The following ARHGAP5 variants were observed in gnomAD, a reference collection of about 807,000 sequenced individuals.
ARHGAP5 encodes rho GTPase-activating protein 5.
Under a neutral mutation model 116.6 loss-of-function variants are expected in ARHGAP5, and 23 were observed. That is an observed-to-expected ratio of 0.20 (90% confidence interval 0.14 to 0.28). The LOEUF (loss-of-function observed/expected upper bound fraction) is 0.28, where lower values mean the gene tolerates loss of function less well. Among genes scored for constraint, ARHGAP5 ranks in the 10% least tolerant of loss-of-function variants. The probability of loss-of-function intolerance (pLI) is 1.00; values close to 1 mark genes in which losing one functional copy is unlikely to be tolerated. For synonymous variants in ARHGAP5, 574 were observed against 602.0 expected (o/e 0.95, Z 0.68); for missense variants, 1,405 against 1,774.8 (o/e 0.79, Z 3.74).
At position 32,092,655 on chromosome 14, in the gene ARHGAP5, T is replaced by C. The variant is rs1265053059; in HGVS notation, c.1986T>C (p.Phe662=). 1.9e-6 allele frequency: 3 copies of C among 1,614,060 alleles called. No individual in the cohort carries two copies. Among genetic ancestry groups the C allele is most frequent in the Admixed American group, 3.3e-5 (2 of 60,018 alleles). The change falls in exon 2 of 7, where the codon TTT becomes TTC. Residue 662 remains phenylalanine, a synonymous_variant. Coordinates refer to ENST00000345122, the MANE Select transcript of ARHGAP5 (RefSeq NM_001030055.2). This position sits in a 1 kb window ranked among gnomAD's most constrained non-coding sequence, Gnocchi z 4.1. ...AFKPHGCFCV[F]NSIESLSFIG... ...AACCACATGGGTGCTTCTGTGTATT[T>C]AATTCCATTGAGTCATTGAGTTTTA...
intron 5 of ARHGAP5, among the ~76,000 whole-genome samples, chr14:32,151,062 C>T (rs1225479201): frequency 6.6e-6 from 1 of 151,924 alleles, no homozygotes; most frequent in Non-Finnish European, 1.5e-5. Context: ...CTCAGTGATT[C>T]TTTTTTTTAA....
chr14:32,119,485 A>C (rs1203122692), intron 3 of ARHGAP5, among the ~76,000 whole-genome samples: 1 of 152,168 alleles, frequency 6.6e-6, no homozygotes, highest in Non-Finnish European at 1.5e-5. Flanking sequence ...TAATTTACAT[A>C]CAATAAAATT....
At chr14:32,121,600 A>G (rs1284806312) in intron 3 of ARHGAP5, among the ~76,000 whole-genome samples, 1 of 152,192 alleles carries the variant, frequency 6.6e-6, no homozygotes, top group Non-Finnish European at 1.5e-5. Context: ...CTTTTATGTA[A>G]TAGCTTTATT....
chr14:32,128,528 G>A (rs1373941544), intron 3 of ARHGAP5, among the ~76,000 whole-genome samples: 3 of 152,220 alleles, frequency 2.0e-5, no homozygotes, highest in Admixed American at 6.5e-5. Context: ...TCTGCGTGTC[G>A]GCTATCGGTG....
At chr14:32,097,167 A>G (rs73268969) in intron 2 of ARHGAP5, among the ~76,000 whole-genome samples, 30,329 of 152,140 alleles carry the variant, frequency 0.2, 3,696 homozygotes, top group Admixed American at 0.41. Context: ...ACCATGCATT[A>G]TTACTAGTGA....
intron 4 of ARHGAP5, among the ~76,000 whole-genome samples, chr14:32,146,904 A>G (rs1881404116): frequency 6.6e-6 from 1 of 152,208 alleles, no homozygotes; most frequent in Non-Finnish European, 1.5e-5. Flanking sequence ...ACTGTACAAT[A>G]TTTTGATATC....
At chr14:32,141,664 C>A (rs1392975160) in intron 3 of ARHGAP5, among the ~76,000 whole-genome samples, 1 of 152,160 alleles carries the variant, frequency 6.6e-6, no homozygotes, top group African/African-American at 2.4e-5. Flanking sequence ...TTCCTTAACT[C>A]TCTTTACCAT....
intron 3 of ARHGAP5, among the ~76,000 whole-genome samples, chr14:32,131,122 A>C (rs764897523): frequency 6.6e-6 from 1 of 152,172 alleles, no homozygotes; most frequent in Non-Finnish European, 1.5e-5. Flanking sequence ...TATTGATACA[A>C]TTCTATTGTC....
rs752622999 is a variant in ARHGAP5 at position 32,094,005 on chromosome 14, A to C, written c.3336A>C (p.Pro1112=). The change falls in exon 2 of 7, where the codon CCA becomes CCC. Residue 1112 remains proline, a synonymous_variant. Transcript: ENST00000345122. ...ATTCTGATGAGATTTATGTTGTCCCAGATGATAGTCAAAATCGTATTAAAA... is the reference window on the plus strand; with the variant it reads ...ATTCTGATGAGATTTATGTTGTCCCCGATGATAGTCAAAATCGTATTAAAA... ...KGYSDEIYVV[P]DDSQNRIKIR... is the part of the protein sequence containing the mutation. The C allele has an allele frequency of 6.8e-6, 11 of 1,613,424 alleles. No homozygotes were observed. Among genetic ancestry groups the C allele is most frequent in the Non-Finnish European group, 9.3e-6 (11 of 1,179,900 alleles).
rs1881987660 is a variant in ARHGAP5 at position 32,158,365 on chromosome 14, G to A, written c.*3417G>A. The A allele has an allele frequency of 6.6e-6, 1 of 151,924 alleles. No homozygotes were observed. Among genetic ancestry groups the A allele is most frequent in the African/African-American group, 2.4e-5 (1 of 41,428 alleles). 9.4% of individuals were successfully genotyped at this position (151,924 alleles called of 1,614,324 possible). ...TAAATTATCAGGAAAACAAGATAAT[G>A]CACAGATTTCTAAGACTAAGATCTT... is the stretch of plus-strand genomic sequence containing the variant. On this transcript the variant is annotated 3_prime_UTR_variant, in exon 7 of 7. Coordinates refer to ENST00000345122, the MANE Select transcript of ARHGAP5 (RefSeq NM_001030055.2).
At chr14:32,111,908 C>G (rs1374683918) in intron 2 of ARHGAP5, among the ~76,000 whole-genome samples, 1 of 134,902 alleles carries the variant, frequency 7.4e-6, no homozygotes, top group Non-Finnish European at 1.5e-5. Context: ...GTGGCACGAT[C>G]TCAGCTCACT....
At chr14:32,118,838 A>G (rs185657476) in intron 3 of ARHGAP5, among the ~76,000 whole-genome samples, 1 of 152,338 alleles carries the variant, frequency 6.6e-6, no homozygotes, top group Non-Finnish European at 1.5e-5. Flanking sequence ...TTGAAAAGCA[A>G]TAATAAAATT....
At chr14:32,103,006 T>A (rs1489883700) in intron 2 of ARHGAP5, among the ~76,000 whole-genome samples, 3 of 152,224 alleles carry the variant, frequency 2.0e-5, no homozygotes, top group Non-Finnish European at 4.4e-5. Context: ...GACTTCTGGT[T>A]CTTTCTCATA....
In ARHGAP5 at chr14:32,111,928, C is replaced by T. The variant is rs573691886; in HGVS notation, c.3718-5212C>T. 1.3e-3 allele frequency among the ~76,000 whole-genome samples: 197 copies of T among 150,282 alleles called. 1 individual carries two copies. Among genetic ancestry groups the T allele is most frequent in the African/African-American group, 4.4e-3 (182 of 40,926 alleles). On this transcript the variant is annotated intron_variant, in intron 2 of 6. Transcript: ENST00000345122. Reference sequence around the variant, plus strand: ...ACGATCTCAGCTCACTGTAACCTCCCGGGTTCAAGTGATTCTCCTGCCTCA... The same window carrying T: ...ACGATCTCAGCTCACTGTAACCTCCTGGGTTCAAGTGATTCTCCTGCCTCA...
intron 3 of ARHGAP5, among the ~76,000 whole-genome samples, chr14:32,117,490 G>T (rs1474223271): frequency 6.6e-6 from 1 of 152,134 alleles, no homozygotes; most frequent in African/African-American, 2.4e-5. Flanking sequence ...GACTTCTCTT[G>T]AAGTAATAAA....
chr14:32,082,930 C>T (rs1220633910), intron 1 of ARHGAP5, among the ~76,000 whole-genome samples: 4 of 152,360 alleles, frequency 2.6e-5, no homozygotes, highest in African/African-American at 9.6e-5. Context: ...TCTTGTATTC[C>T]TCCTCTAGAC....
In ARHGAP5 at chr14:32,093,018, C is replaced by T. The variant is rs61737878; in HGVS notation, c.2349C>T (p.Cys783=). The T allele has an allele frequency of 1.6e-4, 262 of 1,614,032 alleles. No individual in the cohort carries two copies. In the African/African-American group the frequency reaches 3.1e-3, roughly 19 times the overall value. Residue 783 remains cysteine (C), a synonymous_variant, in exon 2 of 7, where the codon TGC becomes TGT. Transcript: ENST00000345122. The part of the protein sequence containing the change: ...LSEADLRIVM[C]AMCGDPFSVD... Reference sequence around the variant, plus strand: ...AAGCTGACTTGAGAATTGTCATGTGCGCCATGTGTGGAGATCCATTTAGTG... The same window carrying T: ...AAGCTGACTTGAGAATTGTCATGTGTGCCATGTGTGGAGATCCATTTAGTG...
intron 2 of ARHGAP5, among the ~76,000 whole-genome samples, chr14:32,115,350 T>C (rs1322877537): frequency 1.3e-5 from 2 of 152,194 alleles, no homozygotes; most frequent in African/African-American, 4.8e-5. Context: ...ACATTACTTA[T>C]GAATGTTATC....
At position 32,128,006 on chromosome 14, in the gene ARHGAP5, C is replaced by T. The variant is rs576416473; in HGVS notation, c.3865+10719C>T. On this transcript the variant is annotated intron_variant, in intron 3 of 6. Coordinates refer to ENST00000345122, the MANE Select transcript of ARHGAP5 (RefSeq NM_001030055.2). ...GCAGAGGCGCTCCTCACCTCCCAGA[C>T]GGGGTGGCGGCCGGGTAGAGACGCT... is the stretch of plus-strand genomic sequence containing the variant. Among the ~76,000 whole-genome samples, 361 of 148,502 alleles carry T rather than the reference C, an allele frequency of 2.4e-3. 5 individuals are homozygous for T. Among genetic ancestry groups the T allele is most frequent in the African/African-American group, 8.5e-3 (338 of 39,926 alleles).
Sources: allele counts gnomAD v4.1 joint callset (sites outside exome capture counted in the v4.1 genomes callset), GRCh38; gene constraint gnomAD v4.1.1; non-coding constraint Gnocchi (gnomAD v3.1); transcripts MANE v1.5; gene names NCBI Gene and HGNC (gene_info 2026-07-23, HGNC 2026-07-21).